Variants in MEGF8 observed in about 807,000 individuals in gnomAD.
MEGF8 encodes the protein multiple EGF like domains 8.
Under a neutral mutation model 302.9 loss-of-function variants are expected in MEGF8, and 156 were observed. The observed-to-expected ratio is 0.52, with a 90% CI of 0.45 to 0.59. MEGF8 has a LOEUF of 0.59. MEGF8 is among the 20% of genes least tolerant of loss of function. MEGF8 has a pLI of 0.00. For synonymous variants in MEGF8, 1,621 were observed against 1,660.5 expected (o/e 0.98, Z 0.58); for missense variants, 3,345 against 3,964.5 (o/e 0.84, Z 4.20).
rs1208013644 is a variant in MEGF8 at position 42,354,517 on chromosome 19, T to G, written c.4012-71T>G. The G allele has an allele frequency of 6.5e-7, 1 of 1,532,164 alleles. No homozygotes were observed. Among genetic ancestry groups the G allele is most frequent in the Non-Finnish European group, 8.8e-7 (1 of 1,130,480 alleles). The allele number at this position is 1,532,164 out of a possible 1,614,324, so 94.9% of individuals were successfully genotyped here. A position where few individuals can be genotyped will look rare whatever the true frequency, so the allele number is the denominator to read the frequency against. The stretch of plus-strand genomic sequence containing the variant: ...AGATTGCCCTCCCCTCTTGAACCCC[T>G]CCTCCTCCCAGACCCCAGGTGTCGT... On this transcript the variant is annotated intron_variant, in intron 22 of 41. Coordinates refer to ENST00000251268, the MANE Select transcript of MEGF8 (RefSeq NM_001271938.2). The surrounding 1 kb of genome is among the most constrained non-coding windows in gnomAD (Gnocchi z 4.3).
At chr19:42,371,505 T>G (rs1568577585) in intron 41 of MEGF8, 23 bp downstream of exon 41, 10 of 1,613,498 alleles carry the variant, frequency 6.2e-6, no homozygotes, top group East Asian at 2.2e-5. Flanking sequence ...AAGCTAGTGG[T>G]GGGCCGAGGG....
rs534353727 is a variant in MEGF8 at position 42,334,126 on chromosome 19, G to A, written c.471G>A (p.Val157=). ...QSHGQCQPPG[V]CACEPGWGGP... is the part of the protein sequence containing the mutation. ...ACGGGCAGTGCCAGCCACCGGGTGT[G>A]TGTGCCTGCGAGCCGGGCTGGGGGG... The change falls in exon 3 of 42, where the codon GTG becomes GTA. Residue 157 remains valine (V), a synonymous_variant. Transcript: ENST00000251268. 3 of 1,612,572 alleles carry A rather than the reference G, an allele frequency of 1.9e-6. No individual in the cohort carries two copies. The highest frequency in any genetic ancestry group is 2.2e-5 in the East Asian group (1 of 44,874).
chr19:42,373,754 C>T (rs551654163), intron 41 of MEGF8, among the ~76,000 whole-genome samples: 1 of 147,902 alleles, frequency 6.8e-6, no homozygotes, highest in East Asian at 2.0e-4. Flanking sequence ...ACTCTGTCAC[C>T]CAGGCTAGAG....
intron 1 of MEGF8, among the ~76,000 whole-genome samples, chr19:42,328,589 T>TGG (rs1555779265): frequency 1.3e-5 from 2 of 151,716 alleles, no homozygotes; most frequent in African/African-American, 2.4e-5. Flanking sequence ...TGTGTGTGTG[T>TGG]GGCGAAGGGG....
Position 42,353,392 on chromosome 19 carries a change from T to C in MEGF8, c.3551-73T>C. 7 of 1,516,128 alleles carry C rather than the reference T, an allele frequency of 4.6e-6. No homozygotes were observed. The highest frequency in any genetic ancestry group is 6.3e-6 in the Non-Finnish European group (7 of 1,118,434). The allele number at this position is 1,516,128 out of a possible 1,614,324, so 93.9% of individuals were successfully genotyped here. A position where few individuals can be genotyped will look rare whatever the true frequency, so the allele number is the denominator to read the frequency against. ...GAAGCGGCTGGGTGGGGTCAGGGTTTAGCTGAGCCAGTAGGCCTGGGCCTG... is the reference window on the plus strand; with the variant it reads ...GAAGCGGCTGGGTGGGGTCAGGGTTCAGCTGAGCCAGTAGGCCTGGGCCTG... On this transcript the variant is annotated intron_variant, in intron 20 of 41. Coordinates refer to ENST00000251268, the MANE Select transcript of MEGF8 (RefSeq NM_001271938.2). The surrounding 1 kb of genome is among the most constrained non-coding windows in gnomAD (Gnocchi z 6.1).
intron 13 of MEGF8, among the ~76,000 whole-genome samples, chr19:42,349,251 G>A (rs1423003890): frequency 6.7e-6 from 1 of 149,266 alleles, no homozygotes; most frequent in African/African-American, 2.5e-5. Context: ...AGTGAGCCAT[G>A]ATCGCATCAC....
intron 35 of MEGF8, among the ~76,000 whole-genome samples, chr19:42,363,765 G>A (rs2039566549): frequency 6.6e-6 from 1 of 152,060 alleles, no homozygotes; most frequent in Admixed American, 6.6e-5. Context: ...GGAAGTGTGG[G>A]TATTTGATGG....
chr19:42,329,471 C>A (rs2039027570), intron 1 of MEGF8, among the ~76,000 whole-genome samples: 1 of 152,188 alleles, frequency 6.6e-6, no homozygotes, highest in South Asian at 2.1e-4. Flanking sequence ...AGGGAGGAGG[C>A]TGGGAGACCT....
In MEGF8 at chr19:42,376,484, G is replaced by A; in HGVS notation, c.8247G>A (p.Gly2749=). ...GAGGPWGPMG[G]GCCPPAIPAT... ...GTGGGCCCTGGGGACCCATGGGAGG[G>A]GGCTGCTGCCCACCAGCCATCCCCG... The change falls in exon 42 of 42, where the codon GGG becomes GGA. Residue 2749 remains glycine (G), a synonymous_variant. Transcript: ENST00000251268. The surrounding 1 kb of genome is among the most constrained non-coding windows in gnomAD (Gnocchi z 8.2). The A allele has an allele frequency of 6.3e-7, 1 of 1,596,552 alleles. No individual in the cohort carries two copies. The highest frequency in any genetic ancestry group is 8.5e-7 in the Non-Finnish European group (1 of 1,174,184).
chr19:42,357,157 T>G lies in MEGF8; in HGVS notation c.4830+176T>G, dbSNP rs1010906980. 2.0e-5 allele frequency among the ~76,000 whole-genome samples: 3 copies of G among 152,180 alleles called. No homozygotes were observed. Among genetic ancestry groups the G allele is most frequent in the Non-Finnish European group, 4.4e-5 (3 of 68,004 alleles). On this transcript the variant is annotated intron_variant, in intron 27 of 41. Transcript: ENST00000251268. This position sits in a 1 kb window ranked among gnomAD's most constrained non-coding sequence, Gnocchi z 5.2. ...GCCAGTCCTGGGCTGGGACACAGCTTCACTCAGCAGCAGAGAGAGGCCAGG... is the reference window on the plus strand; with the variant it reads ...GCCAGTCCTGGGCTGGGACACAGCTGCACTCAGCAGCAGAGAGAGGCCAGG...
rs369533790 is a variant in MEGF8 at position 42,370,037 on chromosome 19, C to T, written c.6835-152C>T. Among the ~76,000 whole-genome samples, 9 of 152,246 alleles carry T rather than the reference C, an allele frequency of 5.9e-5. No individual in the cohort carries two copies. The East Asian group carries it at 1.2e-3, about 20-fold the overall frequency. Reference sequence around the variant, plus strand: ...TGGGCTGCAGGTGTGCAAGGGAAGGCGGGGGCTAAATCCCGCTGGGATTGT... The same window carrying T: ...TGGGCTGCAGGTGTGCAAGGGAAGGTGGGGGCTAAATCCCGCTGGGATTGT... On this transcript the variant is annotated intron_variant, in intron 38 of 41. Coordinates refer to ENST00000251268, the MANE Select transcript of MEGF8 (RefSeq NM_001271938.2).
rs1451812101 is a variant in MEGF8, at chr19:42,375,446, T to C, written c.7270-61T>C. ...GTATAGAGTATTCGTCACTGCTGCT[T>C]GGGGGACAGGCTGGCACCGCACTCA... On this transcript the variant is annotated intron_variant, in intron 41 of 41. Coordinates refer to ENST00000251268, the MANE Select transcript of MEGF8 (RefSeq NM_001271938.2). The surrounding 1 kb of genome is among the most constrained non-coding windows in gnomAD (Gnocchi z 7.1). 1 of 1,465,958 alleles carries C rather than the reference T, an allele frequency of 6.8e-7. No individual in the cohort carries two copies. Among genetic ancestry groups the C allele is most frequent in the African/African-American group, 1.4e-5 (1 of 70,570 alleles). The allele number at this position is 1,465,958 out of a possible 1,614,324, so 90.8% of individuals were successfully genotyped here. A position where few individuals can be genotyped will look rare whatever the true frequency, so the allele number is the denominator to read the frequency against.
chr19:42,349,526 C>T lies in MEGF8; in HGVS notation c.2326C>T (p.Gln776Ter), dbSNP rs755366410. ...MEEVGRWVAH[Q>*]EKETRRLQRP... ...GGAGGTGGGGCGCTGGGTGGCTCAT[C>T]AGGAGAAGGAGACGCGGCGGCTGCA... Residue 776 changes from glutamine (Q) to a stop codon, truncating the protein, a stop_gained, in exon 14 of 42, where the codon CAG (glutamine) becomes TAG (stop). Coordinates refer to ENST00000251268, the MANE Select transcript of MEGF8 (RefSeq NM_001271938.2). LOFTEE classifies it high-confidence loss of function. 2 of 1,612,284 alleles carry T rather than the reference C, an allele frequency of 1.2e-6. No individual in the cohort carries two copies. Among genetic ancestry groups the T allele is most frequent in the Non-Finnish European group, 1.7e-6 (2 of 1,179,748 alleles).
chr19:42,368,739 G>A lies in MEGF8; in HGVS notation c.6481+77G>A. ...TGATACAGTGAACATAGGGATACTG[G>A]GCCAGACCCAGAGGTGGGGCTCAGA... On this transcript the variant is annotated intron_variant, in intron 36 of 41. Transcript: ENST00000251268. The surrounding 1 kb of genome is among the most constrained non-coding windows in gnomAD (Gnocchi z 4.9). 5 of 1,550,606 alleles carry A rather than the reference G, an allele frequency of 3.2e-6. No individual in the cohort carries two copies. Among genetic ancestry groups the A allele is most frequent in the Non-Finnish European group, 4.4e-6 (5 of 1,149,408 alleles).
At position 42,358,287 on chromosome 19, in the gene MEGF8, G is replaced by T; in HGVS notation, c.5155G>T (p.Ala1719Ser). 6.2e-7 allele frequency: 1 copy of T among 1,604,684 alleles called. No homozygotes were observed. Among genetic ancestry groups the T allele is most frequent in the Non-Finnish European group, 8.5e-7 (1 of 1,175,882 alleles). ...TCCTGACCGCACCTGGAGTCTGCTG[G>T]CCCCTTCTCAGGGGGCAAAGGTCAG... ...HCPDRTWSLL[A>S]PSQGAKRDRM... is the part of the protein sequence containing the mutation. Residue 1719 changes from alanine (A) to serine (S), a missense_variant, in exon 29 of 42, where the codon GCC becomes TCC. Coordinates refer to ENST00000251268, the MANE Select transcript of MEGF8 (RefSeq NM_001271938.2). This position sits in a 1 kb window ranked among gnomAD's most constrained non-coding sequence, Gnocchi z 4.4.
Position 42,358,089 on chromosome 19 carries a change from G to A in MEGF8, c.5012-55G>A, listed in dbSNP as rs905037467. 62 of 1,429,362 alleles carry A rather than the reference G, an allele frequency of 4.3e-5. No homozygotes were observed. Among genetic ancestry groups the A allele is most frequent in the Admixed American group, 9.5e-5 (3 of 31,504 alleles). The allele number at this position is 1,429,362 out of a possible 1,614,324, so 88.5% of individuals were successfully genotyped here. On this transcript the variant is annotated intron_variant, in intron 28 of 41. Coordinates refer to ENST00000251268, the MANE Select transcript of MEGF8 (RefSeq NM_001271938.2). The surrounding 1 kb of genome is among the most constrained non-coding windows in gnomAD (Gnocchi z 4.4). ...CCGAACAGGGGACCGGGAGGTCGGC[G>A]GGGTCAGTGCTGTTGTCAGCCCCTC...
Position 42,357,293 on chromosome 19 carries a change from T to A in MEGF8, c.4831-111T>A. 1 of 1,344,404 alleles carries A rather than the reference T, an allele frequency of 7.4e-7. No individual in the cohort carries two copies. The highest frequency in any genetic ancestry group is 1.3e-5 in the South Asian group (1 of 74,568). The allele number at this position is 1,344,404 out of a possible 1,614,324, so 83.3% of individuals were successfully genotyped here. A position where few individuals can be genotyped will look rare whatever the true frequency, so the allele number is the denominator to read the frequency against. ...GGTCCGACTGGCCCTGGGGGGGTCA[T>A]TCCCTCCTTAGTACTTCAGGGAGGA... On this transcript the variant is annotated intron_variant, in intron 27 of 41. Transcript: ENST00000251268. The surrounding 1 kb of genome is among the most constrained non-coding windows in gnomAD (Gnocchi z 5.2).
At position 42,358,205 on chromosome 19, in the gene MEGF8, G is replaced by C. The variant is rs1405564743; in HGVS notation, c.5073G>C (p.Gly1691=). Residue 1691 remains glycine (G), a synonymous_variant, in exon 29 of 42, where the codon GGG becomes GGC. Coordinates refer to ENST00000251268, the MANE Select transcript of MEGF8 (RefSeq NM_001271938.2). This position sits in a 1 kb window ranked among gnomAD's most constrained non-coding sequence, Gnocchi z 4.4. ...CCGACTCCCTCTACGTGTTTGGGGG[G>C]TTCCGATTCCATGTGGAGCTGGCGG... is the stretch of plus-strand genomic sequence containing the variant. ...EATDSLYVFG[G]FRFHVELAAP... is the part of the protein sequence containing the mutation. 6 of 1,603,624 alleles carry C rather than the reference G, an allele frequency of 3.7e-6. No homozygotes were observed. Among genetic ancestry groups the C allele is most frequent in the Non-Finnish European group, 5.1e-6 (6 of 1,175,536 alleles).
chr19:42,354,821 T>A lies in MEGF8; in HGVS notation c.4144+101T>A. ...TGGGCTCAGGACCCAGCTCTGCCGC[T>A]GCTTATGGGGTGATGTAGTCCCTCA... On this transcript the variant is annotated intron_variant, in intron 23 of 41. Coordinates refer to ENST00000251268, the MANE Select transcript of MEGF8 (RefSeq NM_001271938.2). The surrounding 1 kb of genome is among the most constrained non-coding windows in gnomAD (Gnocchi z 4.3). The A allele has an allele frequency of 3.8e-6, 5 of 1,302,302 alleles. No individual in the cohort carries two copies. Among genetic ancestry groups the A allele is most frequent in the Non-Finnish European group, 5.2e-6 (5 of 961,612 alleles). 80.7% of individuals were successfully genotyped at this position (1,302,302 alleles called of 1,614,324 possible).
Sources: gnomAD v4.1 joint callset for allele counts (sites outside exome capture counted in the v4.1 genomes callset) on GRCh38, gnomAD v4.1.1 for gene constraint, Gnocchi (gnomAD v3.1) non-coding constraint, MANE v1.5 for transcripts, NCBI Gene and HGNC (gene_info 2026-07-23, HGNC 2026-07-21) for gene names.